The following CDH12 variants were observed in gnomAD, a reference collection of about 807,000 sequenced individuals.
The protein encoded by CDH12 is cadherin-12.
A neutral mutation model predicts 74.1 loss-of-function variants in CDH12; 41 were observed. That is an observed-to-expected ratio of 0.55 (90% CI 0.43 to 0.72). The LOEUF is 0.72. Ranked by LOEUF, CDH12 falls within the 30% of genes least tolerant of loss-of-function variation. CDH12 has a pLI of 0.00. For missense variants in CDH12, 945 were observed against 977.2 expected (o/e 0.97, Z 0.44); for synonymous variants, 399 against 355.0 (o/e 1.12, Z -1.39).
intron 1 of CDH12, among the ~76,000 whole-genome samples, chr5:22,718,297 A>C (rs1230137851): frequency 6.6e-6 from 1 of 151,834 alleles, no homozygotes; most frequent in Non-Finnish European, 1.5e-5. Context: ...ATCCACCCCC[A>C]CTCCCACACC....
chr5:22,826,994 T>C (rs1421557000), intron 1 of CDH12, among the ~76,000 whole-genome samples: 1 of 152,168 alleles, frequency 6.6e-6, no homozygotes, highest in African/African-American at 2.4e-5. Context: ...CCCAAGACAA[T>C]GGGGAAAATA....
chr5:22,475,905 T>C (rs1366877945), intron 2 of CDH12, among the ~76,000 whole-genome samples: 1 of 152,096 alleles, frequency 6.6e-6, no homozygotes, highest in African/African-American at 2.4e-5. Context: ...CAAAATTTTC[T>C]AGAGATTATT....
intron 1 of CDH12, among the ~76,000 whole-genome samples, chr5:22,614,997 G>T (rs1737623569): frequency 6.6e-6 from 1 of 151,912 alleles, no homozygotes; most frequent in Non-Finnish European, 1.5e-5. Context: ...GAGTGTGTCG[G>T]TGTAAGATTT....
At chr5:22,815,422 T>C (rs1268851818) in intron 1 of CDH12, among the ~76,000 whole-genome samples, 1 of 152,066 alleles carries the variant, frequency 6.6e-6, no homozygotes, top group African/African-American at 2.4e-5. Flanking sequence ...CAACAAGTAA[T>C]GGCAATGAAG....
chr5:21,816,760 A>G (rs1748074198), intron 9 of CDH12, among the ~76,000 whole-genome samples, 185 bp downstream of exon 9: 1 of 151,526 alleles, frequency 6.6e-6, no homozygotes, highest in South Asian at 2.1e-4. Flanking sequence ...ATTTTGTAAG[A>G]TCCAAAAGAT....
chr5:22,479,837 G>A (rs1275647177), intron 2 of CDH12, among the ~76,000 whole-genome samples: 17 of 152,178 alleles, frequency 1.1e-4, no homozygotes, highest in African/African-American at 3.6e-4. Context: ...TTACTGGCCT[G>A]TATGTAATTA....
intron 4 of CDH12, among the ~76,000 whole-genome samples, chr5:22,096,376 T>C (rs1743781350): frequency 2.6e-5 from 4 of 152,114 alleles, no homozygotes; most frequent in African/African-American, 9.7e-5. Context: ...CTGTTCCCAA[T>C]GCAACTCATC....
chr5:21,971,302 A>T (rs1361323026), intron 6 of CDH12, among the ~76,000 whole-genome samples: 8 of 152,162 alleles, frequency 5.3e-5, no homozygotes, highest in Non-Finnish European at 4.4e-5. Flanking sequence ...GCAACTAAGA[A>T]TCATTCTTAC....
chr5:22,487,699 T>A (rs1746669175), intron 2 of CDH12, among the ~76,000 whole-genome samples: 1 of 151,908 alleles, frequency 6.6e-6, no homozygotes, highest in Admixed American at 6.6e-5. Flanking sequence ...GGCAAAAAAA[T>A]CAGTACAAAA....
At chr5:21,911,397 G>T (rs1753852211) in intron 6 of CDH12, among the ~76,000 whole-genome samples, 1 of 151,790 alleles carries the variant, frequency 6.6e-6, no homozygotes, top group Admixed American at 6.6e-5. Flanking sequence ...TATTATTGAT[G>T]GCTTTTACTT....
At chr5:21,890,988 G>A (rs577315439) in intron 6 of CDH12, among the ~76,000 whole-genome samples, 31 of 152,126 alleles carry the variant, frequency 2.0e-4, no homozygotes, top group South Asian at 6.2e-4. Context: ...ACCCCATTAC[G>A]TCTTCATAGA....
intron 1 of CDH12, among the ~76,000 whole-genome samples, chr5:22,754,583 A>AC: frequency 1.3e-5 from 2 of 148,968 alleles, no homozygotes; most frequent in East Asian, 4.0e-4. Flanking sequence ...AAAAAAAAAA[A>AC]AACAACAGCA....
chr5:22,321,326 G>A (rs1169536291), intron 3 of CDH12, among the ~76,000 whole-genome samples: 1 of 148,542 alleles, frequency 6.7e-6, no homozygotes, highest in African/African-American at 2.5e-5. Flanking sequence ...AAAAAATGAT[G>A]AGTTCACGTC....
At chr5:21,983,486 ATG>A (rs1455886167) in intron 5 of CDH12, among the ~76,000 whole-genome samples, 8 of 151,948 alleles carry the variant, frequency 5.3e-5, no homozygotes, top group Non-Finnish European at 1.2e-4. Flanking sequence ...GTCTCCGAGT[ATG>A]TGTTTATTTG....
intron 10 of CDH12, among the ~76,000 whole-genome samples, chr5:21,784,772 A>G (rs891734306): frequency 1.3e-5 from 2 of 152,138 alleles, no homozygotes; most frequent in African/African-American, 2.4e-5. Context: ...ATAAAAAACT[A>G]TTTATTTTGA....
At chr5:22,730,533 G>A (rs955890796) in intron 1 of CDH12, among the ~76,000 whole-genome samples, 5 of 151,788 alleles carry the variant, frequency 3.3e-5, no homozygotes, top group Admixed American at 2.0e-4. Flanking sequence ...TTGAATTCAA[G>A]TTAAAATATA....
At position 22,185,005 on chromosome 5, in the gene CDH12, A is replaced by G. The variant is rs558659542; in HGVS notation, c.-187+27493T>C. ...TTTTCCTGATCCCCTCCCCTCTCCC[A>G]CCCTACCCTCTCTGAAAGGCCCCAG... On this transcript the variant is annotated intron_variant, in intron 4 of 14. Transcript: ENST00000382254. Among the ~76,000 whole-genome samples, 26 of 151,206 alleles carry G rather than the reference A, an allele frequency of 1.7e-4. 2 individuals carry two copies. Among genetic ancestry groups the G allele is most frequent in the African/African-American group, 6.3e-4 (26 of 41,202 alleles).
intron 2 of CDH12, among the ~76,000 whole-genome samples, chr5:22,460,451 A>G (rs1745452424): frequency 1.3e-5 from 2 of 152,178 alleles, no homozygotes; most frequent in Admixed American, 1.3e-4. Context: ...AGGCAAATAC[A>G]GACAAAAATT....
chr5:22,042,889 C>CAAAA (rs1171549252), intron 5 of CDH12, among the ~76,000 whole-genome samples: 9 of 56,004 alleles, frequency 1.6e-4, no homozygotes, highest in African/African-American at 3.7e-4. Context: ...GATTCTATCT[C>CAAAA]AAAAAAAAAA....
Sources: allele counts gnomAD v4.1 joint callset (sites outside exome capture counted in the v4.1 genomes callset), GRCh38; gene constraint gnomAD v4.1.1; transcripts MANE v1.5; gene names NCBI Gene and HGNC (gene_info 2026-07-23, HGNC 2026-07-21).